Variants in TENM3 observed in about 807,000 individuals in gnomAD.
TENM3 encodes teneurin-3.
TENM3 carries 63 observed loss-of-function variants against 255.1 expected under a neutral mutation model. That is an observed-to-expected ratio of 0.25 (90% CI 0.20 to 0.30). The LOEUF is 0.30. Among genes scored for constraint, TENM3 ranks in the 10% least tolerant of loss-of-function variants. The probability of loss-of-function intolerance (pLI) is 1.00; values close to 1 mark genes in which losing one functional copy is unlikely to be tolerated. For synonymous variants in TENM3, 1,306 were observed against 1,322.3 expected, an observed-to-expected ratio of 0.99 and a Z score of 0.27; for missense variants, 2,929 against 3,461.1, an observed-to-expected ratio of 0.85 and a Z score of 3.86.
intron 1 of TENM3, among the ~76,000 whole-genome samples, chr4:182,305,212 TAA>T (rs143543000): frequency 6.7e-6 from 1 of 148,856 alleles, no homozygotes; most frequent in African/African-American, 2.5e-5. Flanking sequence ...TAAACAGATC[TAA>T]AAAAAAAACC....
the TENM3 span, among the ~76,000 whole-genome samples, chr4:181,551,810 ATATAT>A: frequency 1.4e-3 from 1 of 714 alleles, no homozygotes; most frequent in Non-Finnish European, 7.1e-3. Context: ...AGTTAATAAT[ATATAT>A]ATATATATAT....
chr4:182,432,258 G>A (rs977893434), intron 3 of TENM3, among the ~76,000 whole-genome samples: 1 of 152,120 alleles, frequency 6.6e-6, no homozygotes, highest in Non-Finnish European at 1.5e-5. Context: ...GGCATTTAAG[G>A]TAGGCTAGGA....
At chr4:182,148,451 A>G (rs747991356) in intron 1 of TENM3, among the ~76,000 whole-genome samples, 2 of 152,146 alleles carry the variant, frequency 1.3e-5, no homozygotes, top group African/African-American at 4.8e-5. Flanking sequence ...TCATTAACAT[A>G]TATTCAACTC....
At chr4:182,489,095 GTCT>G (rs1320865669) in intron 3 of TENM3, among the ~76,000 whole-genome samples, 1 of 152,136 alleles carries the variant, frequency 6.6e-6, no homozygotes, top group African/African-American at 2.4e-5. Context: ...ATACTTGGCA[GTCT>G]TGACAGGTTT....
chr4:182,760,036 A>C (rs1763024048), intron 22 of TENM3, among the ~76,000 whole-genome samples: 1 of 152,188 alleles, frequency 6.6e-6, no homozygotes, highest in African/African-American at 2.4e-5. Flanking sequence ...CACGAGCTAA[A>C]TAATTATTCA....
chr4:182,418,581 A>G (rs1053394635), intron 3 of TENM3, among the ~76,000 whole-genome samples: 9 of 151,846 alleles, frequency 5.9e-5, no homozygotes, highest in African/African-American at 2.2e-4. Context: ...TGTGTTTTTG[A>G]GACGGGCCTC....
chr4:182,401,846 T>C (rs1452160296), intron 3 of TENM3, among the ~76,000 whole-genome samples: 3 of 152,214 alleles, frequency 2.0e-5, no homozygotes, highest in Admixed American at 6.5e-5. Flanking sequence ...TTACACATTG[T>C]AGTTCCAAAT....
At chr4:182,128,772 T>G in the TENM3 span, among the ~76,000 whole-genome samples, 101 of 152,348 alleles carry the variant, frequency 6.6e-4, no homozygotes, top group Non-Finnish European at 9.1e-4. Context: ...TAATTGTTAC[T>G]TTTCATTTCA....
At chr4:181,929,462 A>G in the TENM3 span, among the ~76,000 whole-genome samples, 1 of 152,206 alleles carries the variant, frequency 6.6e-6, no homozygotes, top group Non-Finnish European at 1.5e-5. Flanking sequence ...TAAAGGAATC[A>G]ATGTAACAAG....
intron 2 of TENM3, among the ~76,000 whole-genome samples, chr4:182,332,112 T>A (rs1426230738): frequency 6.6e-6 from 1 of 152,100 alleles, no homozygotes; most frequent in African/African-American, 2.4e-5. Flanking sequence ...CATTAAAAAT[T>A]CAGAAAATAG....
rs79029868 is a variant in TENM3, at chr4:182,483,116, A to G, written c.512-117808A>G. On this transcript the variant is annotated intron_variant, in intron 3 of 27. Transcript: ENST00000511685. ...TTTCATATTCAAGCTTTAAAGCAGA[A>G]CTCATTAATGCATGTTTCATATGCG... Among the ~76,000 whole-genome samples, 515 of 152,202 alleles carry G rather than the reference A, an allele frequency of 3.4e-3. 6 individuals are homozygous for G. The highest frequency in any genetic ancestry group is 0.012 in the African/African-American group (492 of 41,534).
the TENM3 span, among the ~76,000 whole-genome samples, chr4:181,968,794 A>G: frequency 6.6e-6 from 1 of 152,300 alleles, no homozygotes; most frequent in Non-Finnish European, 1.5e-5. Context: ...ATGCAAAAAA[A>G]TTCTGTTCAC....
chr4:181,583,467 A>G, the TENM3 span, among the ~76,000 whole-genome samples: 1 of 152,188 alleles, frequency 6.6e-6, no homozygotes, highest in Admixed American at 6.5e-5. Flanking sequence ...AATGTCCTGG[A>G]CAATAAATTG....
the TENM3 span, among the ~76,000 whole-genome samples, chr4:181,951,178 T>G: frequency 0.01 from 1,555 of 152,346 alleles, 21 homozygotes; most frequent in African/African-American, 0.035. Flanking sequence ...TAAAAATATC[T>G]TTTGCACTCA....
chr4:181,649,323 C>G, the TENM3 span, among the ~76,000 whole-genome samples: 1 of 152,214 alleles, frequency 6.6e-6, no homozygotes, highest in Non-Finnish European at 1.5e-5. Flanking sequence ...TCTCACCCGT[C>G]CATCAATACC....
chr4:181,667,946 G>A, the TENM3 span, among the ~76,000 whole-genome samples: 2 of 152,044 alleles, frequency 1.3e-5, no homozygotes, highest in African/African-American at 4.8e-5. Context: ...ACTGATGTTG[G>A]TCTTATATAG....
At chr4:181,700,490 T>G in the TENM3 span, among the ~76,000 whole-genome samples, 62 of 152,288 alleles carry the variant, frequency 4.1e-4, no homozygotes, top group Non-Finnish European at 5.9e-5. Context: ...TTTGGCATGT[T>G]TTCATAGTTA....
the TENM3 span, among the ~76,000 whole-genome samples, chr4:181,940,139 A>G: frequency 3.7e-4 from 57 of 152,364 alleles, no homozygotes; most frequent in Admixed American, 1.0e-3. Context: ...AGTATGCTCA[A>G]TGAAAATATA....
chr4:181,971,536 G>T, the TENM3 span, among the ~76,000 whole-genome samples: 1 of 151,980 alleles, frequency 6.6e-6, no homozygotes, highest in South Asian at 2.1e-4. Flanking sequence ...GAAAGTCCAG[G>T]GATGGGGAAG....
Sources: allele counts gnomAD v4.1 joint callset (sites outside exome capture counted in the v4.1 genomes callset), GRCh38; gene constraint gnomAD v4.1.1; transcripts MANE v1.5; gene names NCBI Gene and HGNC (gene_info 2026-07-23, HGNC 2026-07-21).